The following CABIN1 variants were observed in gnomAD, a reference collection of about 807,000 sequenced individuals.
CABIN1 encodes the protein calcineurin-binding protein cabin-1.
A neutral mutation model predicts 227.7 loss-of-function variants in CABIN1; 133 were observed. The observed-to-expected ratio is 0.58, with a 90% CI of 0.51 to 0.67. CABIN1 has a LOEUF of 0.67. Among genes scored for constraint, CABIN1 ranks in the 30% least tolerant of loss-of-function variants. The pLI is 0.00. For missense variants in CABIN1, 2,408 were observed against 2,852.5 expected, an observed-to-expected ratio of 0.84 and a Z score of 3.55; for synonymous variants, 1,086 against 1,155.1, an observed-to-expected ratio of 0.94 and a Z score of 1.21.
At chr22:24,093,964 C>T (rs912254650) in intron 24 of CABIN1, among the ~76,000 whole-genome samples, 3 of 152,156 alleles carry the variant, frequency 2.0e-5, no homozygotes, top group Non-Finnish European at 2.9e-5. Flanking sequence ...TCCTGTTGAA[C>T]GCTATCTCAG....
intron 7 of CABIN1, 73 bp downstream of exon 7, chr22:24,049,293 A>G: frequency 6.4e-7 from 1 of 1,563,660 alleles, no homozygotes; most frequent in East Asian, 2.3e-5. Context: ...AGCACACCAC[A>G]TTCTCCCCTC....
intron 22 of CABIN1, among the ~76,000 whole-genome samples, chr22:24,085,458 G>C (rs993026252): frequency 1.3e-5 from 2 of 152,204 alleles, no homozygotes; most frequent in African/African-American, 4.8e-5. Context: ...GCGCAACCTG[G>C]CTCCATCCTG....
chr22:24,032,586 A>G (rs1005712126), intron 1 of CABIN1, among the ~76,000 whole-genome samples: 3 of 152,148 alleles, frequency 2.0e-5, no homozygotes, highest in Admixed American at 2.0e-4. Context: ...TAGCTGCACC[A>G]TTTTACATTC....
chr22:24,165,470 C>T, intron 30 of CABIN1, 60 bp from the exon 31 acceptor site: 1 of 1,438,102 alleles, frequency 7.0e-7, no homozygotes, highest in Non-Finnish European at 9.7e-7. Context: ...CACCATCCAG[C>T]AGTGCCATGT....
intron 20 of CABIN1, among the ~76,000 whole-genome samples, chr22:24,084,035 G>A (rs1482173686): frequency 6.6e-6 from 1 of 152,170 alleles, no homozygotes. Flanking sequence ...CACTCTCCCT[G>A]GAGTCAGCTC....
At chr22:24,129,188 A>T (rs1200377928) in intron 28 of CABIN1, among the ~76,000 whole-genome samples, 1 of 152,144 alleles carries the variant, frequency 6.6e-6, no homozygotes, top group African/African-American at 2.4e-5. Context: ...AGCCCCCACT[A>T]CATGCAGGGC....
chr22:24,060,196 A>G (rs1360647692), intron 12 of CABIN1, 55 bp downstream of exon 12: 1 of 1,515,152 alleles, frequency 6.6e-7, no homozygotes, highest in Non-Finnish European at 9.1e-7. Context: ...GCATGGGGAC[A>G]GGGATCTTGC....
At chr22:24,099,487 T>G (rs965642393) in intron 26 of CABIN1, among the ~76,000 whole-genome samples, 1 of 152,140 alleles carries the variant, frequency 6.6e-6, no homozygotes, top group African/African-American at 2.4e-5. Context: ...CACTGACACC[T>G]CGCTGCCCAC....
At chr22:24,076,370 T>G in intron 19 of CABIN1, 86 bp downstream of exon 19, 1 of 1,089,740 alleles carries the variant, frequency 9.2e-7, no homozygotes, top group South Asian at 1.3e-5. Flanking sequence ...AGATTCATGT[T>G]GGCACGCTGG....
rs373476156 is a variant in CABIN1, at chr22:24,104,872, G to A, written c.4117+6680G>A. Among the ~76,000 whole-genome samples the A allele has an allele frequency of 5.9e-4, 90 of 152,242 alleles. 1 individual carries two copies. In the South Asian group the frequency reaches 0.018, roughly 30 times the overall value. On this transcript the variant is annotated intron_variant, in intron 26 of 36. Coordinates refer to ENST00000263119, the MANE Select transcript of CABIN1 (RefSeq NM_012295.4). Reference sequence around the variant, plus strand: ...GCAGGACATTTGTGGTCTTTTCTGGGGCACTAGTCAGAGCTGTTGCAGTAG... The same window carrying A: ...GCAGGACATTTGTGGTCTTTTCTGGAGCACTAGTCAGAGCTGTTGCAGTAG...
At chr22:24,170,753 C>CA (rs1556005486) in intron 33 of CABIN1, among the ~76,000 whole-genome samples, 1 of 83,518 alleles carries the variant, frequency 1.2e-5, no homozygotes, top group African/African-American at 6.6e-5. Context: ...TAGCAAACTG[C>CA]CCCCCCCCCC....
intron 25 of CABIN1, 36 bp downstream of exon 25, chr22:24,096,118 A>G: frequency 6.2e-7 from 1 of 1,612,286 alleles, no homozygotes; most frequent in Non-Finnish European, 8.5e-7. Context: ...CTAGCAGCTT[A>G]CCCCATCTGC....
chr22:24,167,367 C>T, intron 32 of CABIN1, 54 bp downstream of exon 32: 1 of 1,550,574 alleles, frequency 6.4e-7, no homozygotes, highest in Middle Eastern at 1.9e-4. Flanking sequence ...CATCCCCACT[C>T]TTGCCTTTCT....
chr22:24,136,524 A>ATTTTTTTTTTTTTTTTTT lies in CABIN1; in HGVS notation c.4746+2116_4746+2133dup, dbSNP rs145864566. On this transcript the variant is annotated intron_variant, in intron 29 of 36. Coordinates refer to ENST00000263119, the MANE Select transcript of CABIN1 (RefSeq NM_012295.4). Reference sequence around the variant, plus strand: ...ACTGCCACGCCCAGCTAATTTTTGTATTTTTTTTTTTTTTTTTTTTTTTTA... The same window carrying ATTTTTTTTTTTTTTTTTT: ...ACTGCCACGCCCAGCTAATTTTTGTATTTTTTTTTTTTTTTTTTTTTTTTTTTTTTTTTTTTTTTTTTA... Among the ~76,000 whole-genome samples the ATTTTTTTTTTTTTTTTTT allele has an allele frequency of 1.4e-3, 101 of 69,868 alleles. 10 individuals carry two copies. The highest frequency in any genetic ancestry group is 2.5e-3 in the East Asian group (5 of 1,976). 45.8% of individuals were successfully genotyped at this position (69,868 alleles called of 152,430 possible).
intron 16 of CABIN1, among the ~76,000 whole-genome samples, chr22:24,067,616 A>G (rs919376279): frequency 1.7e-4 from 26 of 152,368 alleles, no homozygotes; most frequent in Admixed American, 1.7e-3. Flanking sequence ...CACTAGCCTT[A>G]TGTTTGAAAC....
At position 24,095,912 on chromosome 22, in the gene CABIN1, A is replaced by G; in HGVS notation, c.3787-19A>G. 1 of 1,613,794 alleles carries G rather than the reference A, an allele frequency of 6.2e-7. No homozygotes were observed. Among genetic ancestry groups the G allele is most frequent in the Non-Finnish European group, 8.5e-7 (1 of 1,179,830 alleles). On this transcript the variant is annotated intron_variant, in intron 24 of 36. Transcript: ENST00000263119. ...AGCAACTGGGAAGGCTGCTCACACT[A>G]GAGGTGTCGTTCTCCTAGGTGTACT...
chr22:24,055,236 C>A, intron 9 of CABIN1, 77 bp downstream of exon 9: 1 of 1,505,528 alleles, frequency 6.6e-7, no homozygotes, highest in Non-Finnish European at 9.0e-7. Context: ...TGCTGGGGAG[C>A]CCTGCCTCCC....
intron 12 of CABIN1, among the ~76,000 whole-genome samples, chr22:24,061,728 C>G (rs943010335): frequency 4.6e-5 from 7 of 152,262 alleles, no homozygotes; most frequent in Non-Finnish European, 8.8e-5. Flanking sequence ...AGACCGGTCT[C>G]CTGGCCTCTC....
At chr22:24,135,461 G>A (rs1249071975) in intron 29 of CABIN1, among the ~76,000 whole-genome samples, 1 of 152,140 alleles carries the variant, frequency 6.6e-6, no homozygotes, top group African/African-American at 2.4e-5. Flanking sequence ...GTCAGGTGGA[G>A]ACTTACTCCT....
Sources: allele counts gnomAD v4.1 joint callset (sites outside exome capture counted in the v4.1 genomes callset), GRCh38; gene constraint gnomAD v4.1.1; transcripts MANE v1.5; gene names NCBI Gene and HGNC (gene_info 2026-07-23, HGNC 2026-07-21).